ANO3: variants seen among roughly 807,000 people sequenced by gnomAD.
The protein encoded by ANO3 is anoctamin-3.
Under a neutral mutation model 144.8 loss-of-function variants are expected in ANO3, and 99 were observed. That is an observed-to-expected ratio of 0.68 (90% CI 0.58 to 0.81). The LOEUF (loss-of-function observed/expected upper bound fraction) is 0.81, where lower values mean the gene tolerates loss of function less well. ANO3 is among the 30% of genes least tolerant of loss of function. ANO3 has a pLI of 0.00. For synonymous variants in ANO3, 414 were observed against 392.6 expected, an observed-to-expected ratio of 1.05 and a Z score of -0.64; for missense variants, 905 against 1,202.2, an observed-to-expected ratio of 0.75 and a Z score of 3.66.
intron 4 of ANO3, among the ~76,000 whole-genome samples, chr11:26,481,101 C>T (rs1590399938): frequency 6.6e-6 from 1 of 151,678 alleles, no homozygotes; most frequent in Non-Finnish European, 1.5e-5. Context: ...ATAGTAATTG[C>T]ACCATAAAGA....
At chr11:26,588,951 A>G (rs1374575930) in intron 14 of ANO3, among the ~76,000 whole-genome samples, 1 of 152,210 alleles carries the variant, frequency 6.6e-6, no homozygotes, top group African/African-American at 2.4e-5. Context: ...CCTGCAGACA[A>G]TAATTTTCGG....
At chr11:26,482,434 G>A (rs1449376478) in intron 4 of ANO3, among the ~76,000 whole-genome samples, 2 of 64,542 alleles carry the variant, frequency 3.1e-5, no homozygotes, top group Admixed American at 1.5e-4. Context: ...ATATGTGTGT[G>A]TGTGTGTGTG....
chr11:26,317,145 G>A (rs1352475023), intron 1 of ANO3, among the ~76,000 whole-genome samples: 1 of 152,068 alleles, frequency 6.6e-6, no homozygotes. Flanking sequence ...GCTAGTCTCA[G>A]TGTGAAATAA....
At chr11:26,466,282 C>A (rs937494426) in intron 4 of ANO3, among the ~76,000 whole-genome samples, 7 of 151,898 alleles carry the variant, frequency 4.6e-5, no homozygotes, top group African/African-American at 1.5e-4. Flanking sequence ...ATTTAGTTAG[C>A]CTCAAGCTTT....
chr11:26,624,073 AC>A (rs1852504128), intron 17 of ANO3, among the ~76,000 whole-genome samples: 1 of 152,220 alleles, frequency 6.6e-6, no homozygotes, highest in East Asian at 1.9e-4. Flanking sequence ...GGCGTGAGCC[AC>A]CGCGCCCGGC....
intron 1 of ANO3, among the ~76,000 whole-genome samples, chr11:26,294,633 A>T (rs772035085): frequency 6.9e-4 from 105 of 152,176 alleles, no homozygotes; most frequent in Non-Finnish European, 3.8e-4. Flanking sequence ...CAGAAGCAAG[A>T]TTCAGATCGT....
chr11:26,547,030 C>T (rs981176914), intron 11 of ANO3, among the ~76,000 whole-genome samples: 7 of 151,740 alleles, frequency 4.6e-5, no homozygotes, highest in African/African-American at 9.7e-5. Context: ...AACTAACCTG[C>T]TCTCAGCACC....
At chr11:26,576,773 GTTT>G (rs1850997886) in intron 14 of ANO3, among the ~76,000 whole-genome samples, 1 of 152,082 alleles carries the variant, frequency 6.6e-6, no homozygotes. Flanking sequence ...GTTTTTGTCT[GTTT>G]TCTGCATTGC....
intron 3 of ANO3, among the ~76,000 whole-genome samples, chr11:26,450,459 G>A (rs1046574973): frequency 1.3e-5 from 2 of 152,150 alleles, no homozygotes; most frequent in African/African-American, 4.8e-5. Context: ...TAATAAGTCT[G>A]GGTCCTTGTT....
At chr11:26,218,502 A>G (rs1852078083) in intron 1 of ANO3, among the ~76,000 whole-genome samples, 2 of 151,944 alleles carry the variant, frequency 1.3e-5, no homozygotes, top group South Asian at 4.1e-4. Context: ...CTTCTTCCCT[A>G]CGTCTTATTT....
intron 1 of ANO3, among the ~76,000 whole-genome samples, chr11:26,199,096 A>T (rs1025770744): frequency 6.7e-6 from 1 of 148,406 alleles, no homozygotes; most frequent in Non-Finnish European, 1.5e-5. Flanking sequence ...TGGGAGATCA[A>T]TTTTAGGTTT....
At chr11:26,651,056 A>T (rs1022221326) in intron 24 of ANO3, among the ~76,000 whole-genome samples, 1 of 152,182 alleles carries the variant, frequency 6.6e-6, no homozygotes, top group Admixed American at 6.5e-5. Context: ...AAAGCTTCCC[A>T]ATTTTTTTTC....
chr11:26,572,393 A>AT (rs909054293), intron 14 of ANO3: 795 of 279,762 alleles, frequency 2.8e-3, no homozygotes, highest in Non-Finnish European at 3.9e-3. Context: ...CGGGTCATCA[A>AT]TTTTTTTTTT....
chr11:26,451,777 G>A (rs969362189), intron 3 of ANO3, among the ~76,000 whole-genome samples: 3 of 152,206 alleles, frequency 2.0e-5, no homozygotes, highest in Admixed American at 2.0e-4. Flanking sequence ...CAGGCAGACT[G>A]CCTCCTCAAG....
intron 9 of ANO3, among the ~76,000 whole-genome samples, chr11:26,536,044 G>A (rs1040983697): frequency 2.0e-5 from 3 of 151,908 alleles, no homozygotes; most frequent in South Asian, 4.1e-4. Context: ...AATAAGCTGG[G>A]TGCGGTGGCT....
chr11:26,419,466 T>G (rs1346865781), intron 1 of ANO3, among the ~76,000 whole-genome samples: 6 of 152,120 alleles, frequency 3.9e-5, no homozygotes, highest in African/African-American at 1.4e-4. Flanking sequence ...TACCATGTAT[T>G]GCAATAAACA....
intron 14 of ANO3, among the ~76,000 whole-genome samples, chr11:26,577,094 A>G (rs1851006063): frequency 6.6e-6 from 1 of 152,158 alleles, no homozygotes; most frequent in African/African-American, 2.4e-5. Context: ...TAGTGATAGG[A>G]GCCATTTCAC....
chr11:26,561,029 T>C (rs765169375), intron 14 of ANO3: 3 of 1,585,092 alleles, frequency 1.9e-6, no homozygotes. Context: ...AGGATGTAGA[T>C]GACACTTGCT....
intron 14 of ANO3, among the ~76,000 whole-genome samples, chr11:26,588,036 A>T (rs887117979): frequency 7.2e-5 from 11 of 152,054 alleles, no homozygotes; most frequent in Non-Finnish European, 1.5e-4. Context: ...CTGATTATTT[A>T]AAAAATTATT....
Sources: allele counts gnomAD v4.1 joint callset (sites outside exome capture counted in the v4.1 genomes callset), GRCh38; gene constraint gnomAD v4.1.1; transcripts MANE v1.5; gene names NCBI Gene and HGNC (gene_info 2026-07-23, HGNC 2026-07-21).